Variants in KIAA1958 observed in about 807,000 individuals in gnomAD.
KIAA1958 encodes the protein uncharacterized protein KIAA1958.
Under a neutral mutation model 47.2 loss-of-function variants are expected in KIAA1958, and 14 were observed. That is an observed-to-expected ratio of 0.30 (90% CI 0.20 to 0.46). The LOEUF is 0.46. KIAA1958 is among the 20% of genes least tolerant of loss of function. The pLI is 1.00. For missense variants in KIAA1958, 803 were observed against 909.2 expected, an observed-to-expected ratio of 0.88 and a Z score of 1.50; for synonymous variants, 354 against 353.3, an observed-to-expected ratio of 1.00 and a Z score of -0.02.
intron 2 of KIAA1958, among the ~76,000 whole-genome samples, chr9:112,640,827 G>A (rs897526923): frequency 1.3e-5 from 2 of 152,182 alleles, no homozygotes; most frequent in African/African-American, 4.8e-5. Flanking sequence ...CTAAGTGGAA[G>A]TCCTCCACGT....
intron 1 of KIAA1958, among the ~76,000 whole-genome samples, chr9:112,525,219 G>T (rs1386927676): frequency 6.6e-6 from 1 of 152,156 alleles, no homozygotes; most frequent in Admixed American, 6.5e-5. Flanking sequence ...TGTCAGAGAT[G>T]GTTGCATCAA....
At position 112,634,922 on chromosome 9, in the gene KIAA1958, T is replaced by C. The variant is rs1836777494; in HGVS notation, c.1172-10728T>C. The stretch of plus-strand genomic sequence containing the variant: ...GTGTTTCCTTCCTTCCTTTATTGTT[T>C]TATCAGTCACATTTAAGTCATGATC... On this transcript the variant is annotated intron_variant, in intron 2 of 3. Coordinates refer to ENST00000337530, the MANE Select transcript of KIAA1958 (RefSeq NM_133465.4). Among the ~76,000 whole-genome samples the C allele has an allele frequency of 2.0e-5, 3 of 152,334 alleles. No individual in the cohort carries two copies. In the South Asian group the frequency reaches 6.2e-4, roughly 32 times the overall value.
intron 2 of KIAA1958, among the ~76,000 whole-genome samples, chr9:112,598,770 T>C (rs760711689): frequency 9.2e-5 from 14 of 152,210 alleles, no homozygotes; most frequent in Non-Finnish European, 1.9e-4. Context: ...CTCTTGGTAA[T>C]TAAAGAGTAC....
At position 112,616,042 on chromosome 9, in the gene KIAA1958, C is replaced by A. The variant is rs1009173247; in HGVS notation, c.1172-29608C>A. Among the ~76,000 whole-genome samples the A allele has an allele frequency of 1.3e-5, 2 of 152,226 alleles. 1 individual carries two copies. Among genetic ancestry groups the A allele is most frequent in the Admixed American group, 1.3e-4 (2 of 15,284 alleles). ...TATTTGAACAAGTAACCAAGAAAAA[C>A]AGATGTGCTGGCCCCTTTGGCTTTC... On this transcript the variant is annotated intron_variant, in intron 2 of 3. Coordinates refer to ENST00000337530, the MANE Select transcript of KIAA1958 (RefSeq NM_133465.4).
At chr9:112,652,953 C>T (rs1406604602) in intron 3 of KIAA1958, among the ~76,000 whole-genome samples, 5 of 152,106 alleles carry the variant, frequency 3.3e-5, no homozygotes, top group Non-Finnish European at 7.3e-5. Flanking sequence ...TCATGTATTT[C>T]GGGACTTCTG....
intron 2 of KIAA1958, among the ~76,000 whole-genome samples, chr9:112,576,914 T>C (rs1835655743): frequency 2.0e-5 from 3 of 152,172 alleles, no homozygotes; most frequent in South Asian, 4.1e-4. Flanking sequence ...TTTGAGGAGC[T>C]GTCAAACTGT....
chr9:112,487,080 CG>C lies in KIAA1958; in HGVS notation c.-62del. The C allele has an allele frequency of 4.4e-6, 1 of 227,122 alleles. No individual in the cohort carries two copies. Among genetic ancestry groups the C allele is most frequent in the Non-Finnish European group, 9.0e-6 (1 of 111,274 alleles). 14.1% of individuals were successfully genotyped at this position (227,122 alleles called of 1,614,324 possible). A position where few individuals can be genotyped will look rare whatever the true frequency, so the allele number is the denominator to read the frequency against. On this transcript the variant is annotated 5_prime_UTR_variant, in exon 1 of 4. Transcript: ENST00000337530. Reference sequence around the variant, plus strand: ...CCGGCTCTCGCAGGCCCCCCCGCGCCGACCGCGTTCCTATGGACAGACGCAC... The same window carrying C: ...CCGGCTCTCGCAGGCCCCCCCGCGCCACCGCGTTCCTATGGACAGACGCAC...
chr9:112,654,578 C>T (rs1339118112), intron 3 of KIAA1958, among the ~76,000 whole-genome samples: 2 of 151,834 alleles, frequency 1.3e-5, no homozygotes, highest in Non-Finnish European at 2.9e-5. Flanking sequence ...TTCTGATATC[C>T]CTCTCTGCCT....
intron 1 of KIAA1958, among the ~76,000 whole-genome samples, chr9:112,545,088 A>G (rs1291725732): frequency 6.6e-6 from 1 of 152,170 alleles, no homozygotes; most frequent in Non-Finnish European, 1.5e-5. Flanking sequence ...GATACTGGTC[A>G]TTTGTGAATT....
chr9:112,607,064 A>G (rs1281153205), intron 2 of KIAA1958, among the ~76,000 whole-genome samples: 1 of 152,224 alleles, frequency 6.6e-6, no homozygotes, highest in African/African-American at 2.4e-5. Flanking sequence ...TATGGCGTCA[A>G]GAGACATGGG....
Position 112,659,705 on chromosome 9 carries a change from C to T in KIAA1958, c.1787C>T (p.Ala596Val), listed in dbSNP as rs2131255065. The T allele has an allele frequency of 2.5e-6, 4 of 1,614,180 alleles. No individual in the cohort carries two copies. The East Asian group carries it at 8.9e-5, about 36-fold the overall frequency. The change falls in exon 4 of 4, where the codon GCC becomes GTC. Residue 596 changes from alanine to valine, a missense_variant. Physicochemically the swap from Ala to Val is moderately conservative, Grantham distance 64 (BLOSUM62 0). Transcript: ENST00000337530. The stretch of plus-strand genomic sequence containing the variant: ...GACCCCCAAAACCAGCCCTACTTTG[C>T]CCGGACGGACAGCGTCAAGCGGGAG... Reference protein sequence around the residue: ...LKDPQNQPYFARTDSVKRESR... With the variant: ...LKDPQNQPYFVRTDSVKRESR...
intron 1 of KIAA1958, among the ~76,000 whole-genome samples, chr9:112,515,826 T>G: frequency 8.7e-6 from 1 of 114,318 alleles, no homozygotes; most frequent in African/African-American, 3.4e-5. Context: ...CCCTCCACTA[T>G]TGTCCCATGA....
Position 112,618,446 on chromosome 9 carries a change from G to C in KIAA1958, c.1172-27204G>C. 6.4e-7 allele frequency: 1 copy of C among 1,551,136 alleles called. No homozygotes were observed. Among genetic ancestry groups the C allele is most frequent in the East Asian group, 2.4e-5 (1 of 40,914 alleles). On this transcript the variant is annotated intron_variant, in intron 2 of 3. Coordinates refer to ENST00000337530, the MANE Select transcript of KIAA1958 (RefSeq NM_133465.4). The surrounding 1 kb of genome is among the most constrained non-coding windows in gnomAD (Gnocchi z 7.1). The stretch of plus-strand genomic sequence containing the variant: ...AACAGAGACGGGTCTCGAGTACTTG[G>C]AGTGGATGGGTCAGGACACTGGAGA...
intron 2 of KIAA1958, among the ~76,000 whole-genome samples, chr9:112,624,109 G>C (rs1265230431): frequency 6.6e-6 from 1 of 152,126 alleles, no homozygotes; most frequent in Non-Finnish European, 1.5e-5. Context: ...GAAAGTCAAG[G>C]GGAATGTATA....
At chr9:112,560,198 C>CTTTTT (rs745805478) in intron 1 of KIAA1958, among the ~76,000 whole-genome samples, 12 of 108,642 alleles carry the variant, frequency 1.1e-4, no homozygotes, top group Admixed American at 1.9e-4. Context: ...TTTTCTTTTT[C>CTTTTT]TTTTTTTTTC....
intron 2 of KIAA1958, among the ~76,000 whole-genome samples, chr9:112,631,542 A>G (rs1162633529): frequency 2.0e-5 from 3 of 151,314 alleles, no homozygotes; most frequent in African/African-American, 4.8e-5. Context: ...AAGAAAAAAA[A>G]AAAAAAAAAA....
chr9:112,611,547 G>A (rs572021901), intron 2 of KIAA1958, among the ~76,000 whole-genome samples: 25 of 151,968 alleles, frequency 1.6e-4, no homozygotes, highest in African/African-American at 5.3e-4. Flanking sequence ...AAAAAATTGG[G>A]GTGGGGAGAA....
At chr9:112,622,769 A>G (rs1397623903) in intron 2 of KIAA1958, among the ~76,000 whole-genome samples, 2 of 152,198 alleles carry the variant, frequency 1.3e-5, no homozygotes, top group Non-Finnish European at 2.9e-5. Context: ...CATAGCATTT[A>G]CTTGACTAAA....
At chr9:112,620,633 TTA>T (rs372811441) in intron 2 of KIAA1958, among the ~76,000 whole-genome samples, 1 of 152,164 alleles carries the variant, frequency 6.6e-6, no homozygotes, top group African/African-American at 2.4e-5. Context: ...AAATATTCAT[TTA>T]TACATCCAGA....
Sources: allele counts gnomAD v4.1 joint callset (sites outside exome capture counted in the v4.1 genomes callset), GRCh38; gene constraint gnomAD v4.1.1; non-coding constraint Gnocchi (gnomAD v3.1); transcripts MANE v1.5; gene names NCBI Gene and HGNC (gene_info 2026-07-23, HGNC 2026-07-21).